The following RFNG variants were observed in gnomAD, a reference collection of about 807,000 sequenced individuals.
RFNG encodes RFNG O-fucosylpeptide 3-beta-N-acetylglucosaminyltransferase, also known as beta-1,3-N-acetylglucosaminyltransferase radical fringe.
In RFNG, 37 loss-of-function variants were observed where a neutral mutation model predicts 29.6. That is an observed-to-expected ratio of 1.25 (90% CI 0.96 to 1.65). The LOEUF (loss-of-function observed/expected upper bound fraction) is 1.65. RFNG is among the 40% of genes most tolerant of loss of function. The pLI is 0.00. For synonymous variants in RFNG, 276 were observed against 197.3 expected (o/e 1.40, Z -3.34); for missense variants, 546 against 457.0 (o/e 1.19, Z -1.78).
Position 82,049,918 on chromosome 17 carries a change from C to T in RFNG, c.662G>A (p.Ser221Asn). 4 of 1,612,098 alleles carry T rather than the reference C, an allele frequency of 2.5e-6. No homozygotes were observed. Among genetic ancestry groups the T allele is most frequent in the Non-Finnish European group, 3.4e-6 (4 of 1,179,648 alleles). ...CCCGGGCAGCTGGACCCCCACTCAC[C>T]TGGCCCATGGGCTCATCTTGAGGGC... ...GLALKMSPWA[S>N]LGSFMSTAEQ... The change falls in exon 5 of 8, where the codon AGC becomes AAC. Residue 221 changes from serine (S) to asparagine (N), a missense_variant and splice_region_variant. Coordinates refer to ENST00000310496, the MANE Select transcript of RFNG (RefSeq NM_002917.2).
chr17:82,050,560 G>T lies in RFNG; in HGVS notation c.420-5C>A. On this transcript the variant is annotated splice_region_variant and splice_polypyrimidine_tract_variant and intron_variant, in intron 3 of 7. Transcript: ENST00000310496. ...TCATCCACGTGGCAAAACCACCTGT[G>T]GGCGAGGGGAGTCCTGGGCACGAGG... 1 of 1,610,322 alleles carries T rather than the reference G, an allele frequency of 6.2e-7. No homozygotes were observed. Among genetic ancestry groups the T allele is most frequent in the Non-Finnish European group, 8.5e-7 (1 of 1,177,996 alleles).
At position 82,051,506 on chromosome 17, in the gene RFNG, G is replaced by T. The variant is rs1313843621; in HGVS notation, c.261C>A (p.Arg87=). The T allele has an allele frequency of 2.9e-6, 4 of 1,384,874 alleles. No individual in the cohort carries two copies. In the African/African-American group the frequency reaches 6.1e-5, roughly 21 times the overall value. 85.8% of individuals were successfully genotyped at this position (1,384,874 alleles called of 1,614,324 possible). ...LLLRTWISRA[R]QQTFIFTDGD... is the part of the protein sequence containing the mutation. ...GGGTCGGGGTCCGGCGCACCTGCTG[G>T]CGGGCCCGGGAGATCCAGGTGCGCA... Residue 87 remains arginine (R), a synonymous_variant, in exon 1 of 8, where the codon CGC becomes CGA. Coordinates refer to ENST00000310496, the MANE Select transcript of RFNG (RefSeq NM_002917.2). The surrounding 1 kb of genome is among the most constrained non-coding windows in gnomAD (Gnocchi z 4.1).
Position 82,051,340 on chromosome 17 carries a change from C to T in RFNG, c.270G>A (p.Thr90=). The change falls in exon 2 of 8, where the codon ACG becomes ACA. Residue 90 remains threonine (T), a splice_region_variant and synonymous_variant. Coordinates refer to ENST00000310496, the MANE Select transcript of RFNG (RefSeq NM_002917.2). The surrounding 1 kb of genome is among the most constrained non-coding windows in gnomAD (Gnocchi z 4.1). ...RTWISRARQQ[T]FIFTDGDDPE... ...GGTCGTCCCCGTCGGTGAAGATAAACGTCTGGGGGAGAAACAATCTATGAG... is the reference window on the plus strand; with the variant it reads ...GGTCGTCCCCGTCGGTGAAGATAAATGTCTGGGGGAGAAACAATCTATGAG... 1 of 1,463,738 alleles carries T rather than the reference C, an allele frequency of 6.8e-7. No individual in the cohort carries two copies. The highest frequency in any genetic ancestry group is 2.8e-5 in the East Asian group (1 of 36,294). The allele number at this position is 1,463,738 out of a possible 1,614,324, so 90.7% of individuals were successfully genotyped here. A position where few individuals can be genotyped will look rare whatever the true frequency, so the allele number is the denominator to read the frequency against.
chr17:82,049,538 T>C, intron 6 of RFNG, 139 bp downstream of exon 6: 1 of 1,008,164 alleles, frequency 9.9e-7, no homozygotes, highest in Non-Finnish European at 1.5e-6. Flanking sequence ...CCAAGGGGCC[T>C]GTCCAGGGTC....
In RFNG at chr17:82,049,042, T is replaced by C. The variant is rs2030097630; in HGVS notation, c.903A>G (p.Gln301=). ...CACTACCTACTCACCGTGTGGGGTC[T>C]TGATGCAGGCTGAAGCCTCCAGCCA... The part of the protein sequence containing the change: ...VNVAGGFSLH[Q]DPTRFKSIHC... The change falls in exon 7 of 8, where the codon CAA becomes CAG. Residue 301 remains glutamine (Q), a synonymous_variant. Transcript: ENST00000310496. 10 of 1,613,348 alleles carry C rather than the reference T, an allele frequency of 6.2e-6. No homozygotes were observed. The highest frequency in any genetic ancestry group is 8.5e-6 in the Non-Finnish European group (10 of 1,179,904).
In RFNG at chr17:82,048,701, C is replaced by T. The variant is rs750995836; in HGVS notation, c.*25G>A. ...TCCCCGCGCCTGGGACAGAGCCAGG[C>T]AGCCCTGGGTCGGGGTGGTTGGTGT... On this transcript the variant is annotated 3_prime_UTR_variant, in exon 8 of 8. Transcript: ENST00000310496. The T allele has an allele frequency of 3.1e-6, 5 of 1,599,728 alleles. No homozygotes were observed. The South Asian group carries it at 5.5e-5, about 18-fold the overall frequency.
Position 82,051,245 on chromosome 17 carries a change from A to T in RFNG, c.316+49T>A. The T allele has an allele frequency of 7.5e-7, 1 of 1,331,358 alleles. No homozygotes were observed. 82.5% of individuals were successfully genotyped at this position (1,331,358 alleles called of 1,614,324 possible). A position where few individuals can be genotyped will look rare whatever the true frequency, so the allele number is the denominator to read the frequency against. The stretch of plus-strand genomic sequence containing the variant: ...AGGGGCCGTGGCTTCGGAGCGAGAA[A>T]GGCTCGGGGGGCAGATCCCGCGGGC... On this transcript the variant is annotated intron_variant, in intron 2 of 7. Transcript: ENST00000310496. The surrounding 1 kb of genome is among the most constrained non-coding windows in gnomAD (Gnocchi z 4.1).
chr17:82,051,616 C>G lies in RFNG; in HGVS notation c.151G>C (p.Ala51Pro), dbSNP rs1278573828. ...TCGTCAGGCCGCAGGCTGGGGGCAG[C>G]GGGCCGGGACGGGGGCGCGCGCGGG... ...PAPRAPPSRPAAPSLRPDDVF... is the reference protein window; with the variant it reads ...PAPRAPPSRPPAPSLRPDDVF... The change falls in exon 1 of 8, where the codon GCT (alanine) becomes CCT (proline). Residue 51 changes from alanine to proline, a missense_variant. Physicochemically the swap from Ala to Pro is conservative, Grantham distance 27 (BLOSUM62 -1). Transcript: ENST00000310496. The surrounding 1 kb of genome is among the most constrained non-coding windows in gnomAD (Gnocchi z 4.1). 5 of 1,148,860 alleles carry G rather than the reference C, an allele frequency of 4.4e-6. No individual in the cohort carries two copies. The highest frequency in any genetic ancestry group is 5.4e-6 in the Non-Finnish European group (5 of 932,404). The allele number at this position is 1,148,860 out of a possible 1,614,324, so 71.2% of individuals were successfully genotyped here.
rs755588134 is a variant in RFNG, at chr17:82,051,284, G to A, written c.316+10C>T. On this transcript the variant is annotated intron_variant, in intron 2 of 7. Coordinates refer to ENST00000310496, the MANE Select transcript of RFNG (RefSeq NM_002917.2). This position sits in a 1 kb window ranked among gnomAD's most constrained non-coding sequence, Gnocchi z 4.1. ...GATCCCGCGGGCGCCGGGGAGTGGGGGACACTCACCGCCCTGGAGCTCGAG... is the reference window on the plus strand; with the variant it reads ...GATCCCGCGGGCGCCGGGGAGTGGGAGACACTCACCGCCCTGGAGCTCGAG... 8.7e-6 allele frequency: 12 copies of A among 1,383,124 alleles called. No individual in the cohort carries two copies. Among genetic ancestry groups the A allele is most frequent in the Non-Finnish European group, 1.9e-6 (2 of 1,067,452 alleles). 85.7% of individuals were successfully genotyped at this position (1,383,124 alleles called of 1,614,324 possible).
In RFNG at chr17:82,051,719, G is replaced by C; in HGVS notation, c.48C>G (p.Ala16=). The C allele has an allele frequency of 9.5e-7, 1 of 1,048,012 alleles. No homozygotes were observed. The highest frequency in any genetic ancestry group is 1.1e-6 in the Non-Finnish European group (1 of 872,838). The allele number at this position is 1,048,012 out of a possible 1,614,324, so 64.9% of individuals were successfully genotyped here. A position where few individuals can be genotyped will look rare whatever the true frequency, so the allele number is the denominator to read the frequency against. ...GTAACAGCAGCGCGGCCAGGGCCGC[G>C]GCCAGCGCGAGGCAGGCCCGGCACA... The part of the protein sequence containing the change: ...GALCRACLAL[A]AALAALLLLP... Residue 16 remains alanine, a synonymous_variant, in exon 1 of 8, where the codon GCC becomes GCG. Coordinates refer to ENST00000310496, the MANE Select transcript of RFNG (RefSeq NM_002917.2). This position sits in a 1 kb window ranked among gnomAD's most constrained non-coding sequence, Gnocchi z 4.1.
Position 82,051,792 on chromosome 17 carries a change from C to G in RFNG, c.-26G>C, listed in dbSNP as rs117999554. The stretch of plus-strand genomic sequence containing the variant: ...GCGGCCGCCGGGACCCCCGGCGCTG[C>G]GAGCGGAGAACCTGGCCGGAGCCGT... On this transcript the variant is annotated 5_prime_UTR_variant, in exon 1 of 8. Transcript: ENST00000310496. The surrounding 1 kb of genome is among the most constrained non-coding windows in gnomAD (Gnocchi z 4.1). The G allele has an allele frequency of 0.64, 721,709 of 1,120,804 alleles. 234,271 individuals are homozygous for G. Among genetic ancestry groups the G allele is most frequent in the African/African-American group, 0.66 (39,552 of 59,966 alleles). 69.4% of individuals were successfully genotyped at this position (1,120,804 alleles called of 1,614,324 possible).
chr17:82,048,662 T>G lies in RFNG; in HGVS notation c.*64A>C. 16 of 1,351,182 alleles carry G rather than the reference T, an allele frequency of 1.2e-5. No homozygotes were observed. The highest frequency in any genetic ancestry group is 1.6e-5 in the Non-Finnish European group (15 of 949,938). 83.7% of individuals were successfully genotyped at this position (1,351,182 alleles called of 1,614,324 possible). On this transcript the variant is annotated 3_prime_UTR_variant, in exon 8 of 8. Coordinates refer to ENST00000310496, the MANE Select transcript of RFNG (RefSeq NM_002917.2). ...CACCTGAGGGAGCCCACTGAGCCCA[T>G]AGGGGGCTCTGGTTCCCCGCGCCTG...
intron 6 of RFNG, 23 bp downstream of exon 6, chr17:82,049,654 G>A (rs978473281): frequency 3.1e-5 from 45 of 1,460,292 alleles, no homozygotes; most frequent in Non-Finnish European, 4.0e-5. Flanking sequence ...AGGTGGCAGA[G>A]GCACCCAGAG....
Position 82,049,059 on chromosome 17 carries a change from C to T in RFNG, c.886G>A (p.Gly296Ser). 2 of 1,613,496 alleles carry T rather than the reference C, an allele frequency of 1.2e-6. No homozygotes were observed. Among genetic ancestry groups the T allele is most frequent in the Non-Finnish European group, 1.7e-6 (2 of 1,179,862 alleles). Residue 296 changes from glycine to serine, a missense_variant, in exon 7 of 8, where the codon GGC (glycine) becomes AGC (serine). By Grantham distance (56) the Gly-to-Ser change is moderately conservative (BLOSUM62 0). Transcript: ENST00000310496. ...GTGGGGTCTTGATGCAGGCTGAAGCCTCCAGCCACGTTCACCACGTTATGT... is the reference window on the plus strand; with the variant it reads ...GTGGGGTCTTGATGCAGGCTGAAGCTTCCAGCCACGTTCACCACGTTATGT... ...NPHNVVNVAG[G>S]FSLHQDPTRF...
chr17:82,048,810 G>T lies in RFNG; in HGVS notation c.915-3C>A. 6.2e-7 allele frequency: 1 copy of T among 1,612,098 alleles called. No homozygotes were observed. Among genetic ancestry groups the T allele is most frequent in the South Asian group, 1.1e-5 (1 of 91,052 alleles). On this transcript the variant is annotated splice_polypyrimidine_tract_variant and splice_region_variant and intron_variant, in intron 7 of 7. Transcript: ENST00000310496. ...GAAGACAATGGATAGACTTAAACCTGGGGAAGGAAGAAGTAGGGGTCAGGG... is the reference window on the plus strand; with the variant it reads ...GAAGACAATGGATAGACTTAAACCTTGGGAAGGAAGAAGTAGGGGTCAGGG...
intron 4 of RFNG, 182 bp downstream of exon 4, chr17:82,050,220 C>A: frequency 1.2e-6 from 1 of 826,554 alleles, no homozygotes; most frequent in Non-Finnish European, 1.9e-6. Context: ...CCCCTCTCTG[C>A]CCAGTACGGT....
chr17:82,051,621 C>T lies in RFNG; in HGVS notation c.146G>A (p.Arg49Gln). The T allele has an allele frequency of 1.8e-6, 2 of 1,096,036 alleles. No homozygotes were observed. Among genetic ancestry groups the T allele is most frequent in the South Asian group, 3.3e-5 (1 of 30,218 alleles). 67.9% of individuals were successfully genotyped at this position (1,096,036 alleles called of 1,614,324 possible). A position where few individuals can be genotyped will look rare whatever the true frequency, so the allele number is the denominator to read the frequency against. Reference sequence around the variant, plus strand: ...AGGCCGCAGGCTGGGGGCAGCGGGCCGGGACGGGGGCGCGCGCGGGGCCGG... The same window carrying T: ...AGGCCGCAGGCTGGGGGCAGCGGGCTGGGACGGGGGCGCGCGCGGGGCCGG... Reference protein sequence around the residue: ...PAPAPRAPPSRPAAPSLRPDD... With the variant: ...PAPAPRAPPSQPAAPSLRPDD... Residue 49 changes from arginine to glutamine, a missense_variant, in exon 1 of 8, where the codon CGG (arginine) becomes CAG (glutamine). Coordinates refer to ENST00000310496, the MANE Select transcript of RFNG (RefSeq NM_002917.2). This position sits in a 1 kb window ranked among gnomAD's most constrained non-coding sequence, Gnocchi z 4.1.
chr17:82,050,355 G>A (rs1274254616), intron 4 of RFNG, 47 bp downstream of exon 4: 7 of 1,523,208 alleles, frequency 4.6e-6, no homozygotes, highest in African/African-American at 2.8e-5. Context: ...TCCCGGGCTG[G>A]TGTCAAGGAA....
chr17:82,049,920 G>C lies in RFNG; in HGVS notation c.660C>G (p.Ala220=). 6.2e-7 allele frequency: 1 copy of C among 1,612,128 alleles called. No individual in the cohort carries two copies. The highest frequency in any genetic ancestry group is 1.7e-4 in the Middle Eastern group (1 of 6,054). ...RGLALKMSPW[A]SLGSFMSTAE... ...CGGGCAGCTGGACCCCCACTCACCT[G>C]GCCCATGGGCTCATCTTGAGGGCAA... The change falls in exon 5 of 8, where the codon GCC becomes GCG. Residue 220 remains alanine (A), a splice_region_variant and synonymous_variant. Coordinates refer to ENST00000310496, the MANE Select transcript of RFNG (RefSeq NM_002917.2).
Sources: allele counts gnomAD v4.1 joint callset, GRCh38; gene constraint gnomAD v4.1.1; non-coding constraint Gnocchi (gnomAD v3.1); transcripts MANE v1.5; gene names NCBI Gene and HGNC (gene_info 2026-07-23, HGNC 2026-07-21).